PIBF1: variants seen among roughly 807,000 people sequenced by gnomAD.
PIBF1 encodes the protein progesterone-induced-blocking factor 1.
A neutral mutation model predicts 112.5 loss-of-function variants in PIBF1; 90 were observed. The ratio of observed to expected loss-of-function variants is 0.80; its 90% CI spans 0.67 to 0.95. PIBF1 has a LOEUF of 0.95. PIBF1 is among the 40% of genes least tolerant of loss of function. The pLI, the probability that PIBF1 is intolerant of heterozygous loss-of-function variation, is 0.00. For synonymous variants in PIBF1, 301 were observed against 288.6 expected (o/e 1.04, Z -0.44); for missense variants, 915 against 852.3 (o/e 1.07, Z -0.92).
chr13:72,815,946 C>T (rs1180957297), intron 5 of PIBF1, among the ~76,000 whole-genome samples: 5 of 152,172 alleles, frequency 3.3e-5, no homozygotes, highest in Admixed American at 2.0e-4. Context: ...AACTTGGTCT[C>T]TTTAACATTA....
At chr13:72,927,963 A>G (rs1401454700) in intron 13 of PIBF1, among the ~76,000 whole-genome samples, 4 of 41,264 alleles carry the variant, frequency 9.7e-5, no homozygotes, top group African/African-American at 4.6e-4. Context: ...ATATATACAC[A>G]TATATATATA....
rs1251817686 is a variant in PIBF1, at chr13:72,783,441, G to C, written c.-29G>C. ...CCTACAGAATATTAAAATCAAATTAGAGAAGAAAACTGATCCATAATAATA... is the reference window on the plus strand; with the variant it reads ...CCTACAGAATATTAAAATCAAATTACAGAAGAAAACTGATCCATAATAATA... On this transcript the variant is annotated 5_prime_UTR_variant, in exon 2 of 18. Coordinates refer to ENST00000326291, the MANE Select transcript of PIBF1 (RefSeq NM_006346.4). 1 of 1,444,844 alleles carries C rather than the reference G, an allele frequency of 6.9e-7. No homozygotes were observed. The allele number at this position is 1,444,844 out of a possible 1,614,324, so 89.5% of individuals were successfully genotyped here.
chr13:72,998,923 TCAGAAA>T lies in PIBF1; in HGVS notation c.2152_2157del (p.Gln718_Lys719del), dbSNP rs2043769305. 1 of 1,612,126 alleles carries T rather than the reference TCAGAAA, an allele frequency of 6.2e-7. No homozygotes were observed. The highest frequency in any genetic ancestry group is 8.5e-7 in the Non-Finnish European group (1 of 1,178,722). ...CAGAACCAAAACATGTGACAGAAAA[TCAGAAA>T]TCAAAGACTTTGAATGTGCCTAAAG... On this transcript the variant is annotated inframe_deletion, in exon 17 of 18. Transcript: ENST00000326291.
intron 5 of PIBF1, among the ~76,000 whole-genome samples, chr13:72,804,445 C>A (rs541102102): frequency 1.3e-5 from 2 of 152,250 alleles, no homozygotes; most frequent in African/African-American, 4.8e-5. Context: ...TGATGGTAAT[C>A]AACTGGGAGA....
At chr13:72,924,956 C>T (rs142934542) in intron 13 of PIBF1, among the ~76,000 whole-genome samples, 3 of 152,112 alleles carry the variant, frequency 2.0e-5, no homozygotes, top group Admixed American at 6.5e-5. Context: ...TGGAACTCGA[C>T]GGGAGCCTTT....
At chr13:72,971,708 A>C (rs1421487518) in intron 15 of PIBF1, among the ~76,000 whole-genome samples, 1 of 152,174 alleles carries the variant, frequency 6.6e-6, no homozygotes, top group Admixed American at 6.5e-5. Context: ...ATTATGTTCT[A>C]CTTTTACAGA....
At chr13:72,894,257 A>G (rs1464343725) in intron 11 of PIBF1, among the ~76,000 whole-genome samples, 1 of 152,042 alleles carries the variant, frequency 6.6e-6, no homozygotes, top group Non-Finnish European at 1.5e-5. Context: ...CTTCACTGAC[A>G]TGTGAAATGA....
intron 14 of PIBF1, among the ~76,000 whole-genome samples, chr13:72,932,981 GAATAAAGCT>G (rs1566464539): frequency 6.6e-6 from 1 of 151,912 alleles, no homozygotes. Context: ...CCAGTTTTTG[GAATAAAGCT>G]CATATGAACA....
chr13:72,958,140 G>T (rs898075102), intron 14 of PIBF1, among the ~76,000 whole-genome samples: 1 of 151,228 alleles, frequency 6.6e-6, no homozygotes, highest in Non-Finnish European at 1.5e-5. Flanking sequence ...AAAGAATCAC[G>T]TAAGATTCTT....
intron 11 of PIBF1, among the ~76,000 whole-genome samples, chr13:72,898,697 A>C (rs1269277904): frequency 6.8e-6 from 1 of 146,238 alleles, no homozygotes; most frequent in Non-Finnish European, 1.5e-5. Flanking sequence ...AAAAAAAAAA[A>C]ATAAAGCCGG....
At chr13:72,830,658 C>A (rs932066187) in intron 8 of PIBF1, among the ~76,000 whole-genome samples, 2 of 152,160 alleles carry the variant, frequency 1.3e-5, no homozygotes, top group Non-Finnish European at 2.9e-5. Context: ...TTTTCATGTG[C>A]TGCTGGATTT....
chr13:72,871,183 T>C (rs764225853), intron 10 of PIBF1, among the ~76,000 whole-genome samples: 6 of 152,170 alleles, frequency 3.9e-5, no homozygotes, highest in Non-Finnish European at 8.8e-5. Flanking sequence ...CCACCTGTTC[T>C]CTATTGCCAT....
At chr13:72,811,353 A>G (rs1566300452) in intron 5 of PIBF1, among the ~76,000 whole-genome samples, 1 of 152,198 alleles carries the variant, frequency 6.6e-6, no homozygotes, top group Non-Finnish European at 1.5e-5. Flanking sequence ...CTATAATACC[A>G]GCACTCTGGG....
chr13:72,970,517 A>T (rs186580373), intron 15 of PIBF1: 8 of 152,316 alleles, frequency 5.3e-5, no homozygotes, highest in Non-Finnish European at 1.0e-4. Context: ...CCAGGAAGTT[A>T]AGGAACAATA....
At chr13:72,906,803 G>T (rs1240562338) in intron 11 of PIBF1, among the ~76,000 whole-genome samples, 1 of 152,022 alleles carries the variant, frequency 6.6e-6, no homozygotes, top group African/African-American at 2.4e-5. Context: ...TTCGTGTGGT[G>T]GTTTTGCAGG....
rs1566348687 is a variant in PIBF1 at position 72,844,785 on chromosome 13, A to ACACACACG, written c.1224-9265_1224-9264insGCACACAC. ...CACACACACACACACACACACACAC[A>ACACACACG]CACACACACACACACGGATGAAGTC... is the stretch of plus-strand genomic sequence containing the variant. On this transcript the variant is annotated intron_variant, in intron 9 of 17. Coordinates refer to ENST00000326291, the MANE Select transcript of PIBF1 (RefSeq NM_006346.4). 3.2e-5 allele frequency among the ~76,000 whole-genome samples: 4 copies of ACACACACG among 124,988 alleles called. 1 individual carries two copies. The highest frequency in any genetic ancestry group is 1.2e-4 in the African/African-American group (4 of 33,442). 82.0% of individuals were successfully genotyped at this position (124,988 alleles called of 152,430 possible). A position where few individuals can be genotyped will look rare whatever the true frequency, so the allele number is the denominator to read the frequency against.
rs570395102 is a variant in PIBF1 at position 72,913,761 on chromosome 13, CA to C, written c.1640-3301del. Among the ~76,000 whole-genome samples, 151 of 124,264 alleles carry C rather than the reference CA, an allele frequency of 1.2e-3. 1 individual carries two copies. The highest frequency in any genetic ancestry group is 1.2e-3 in the East Asian group (5 of 4,244). 81.5% of individuals were successfully genotyped at this position (124,264 alleles called of 152,430 possible). A position where few individuals can be genotyped will look rare whatever the true frequency, so the allele number is the denominator to read the frequency against. ...TGGGTGACAGAATGAGACTCTGTCT[CA>C]AAAAAAAAAAAAATTGCAGATGTTG... On this transcript the variant is annotated intron_variant, in intron 12 of 17. Coordinates refer to ENST00000326291, the MANE Select transcript of PIBF1 (RefSeq NM_006346.4).
At chr13:72,816,048 A>G (rs2036255914) in intron 5 of PIBF1, among the ~76,000 whole-genome samples, 1 of 152,216 alleles carries the variant, frequency 6.6e-6, no homozygotes, top group Non-Finnish European at 1.5e-5. Flanking sequence ...GCTGAATAAA[A>G]TGTTGGGTAT....
chr13:72,891,435 G>T (rs572993169), intron 10 of PIBF1, among the ~76,000 whole-genome samples: 4 of 151,972 alleles, frequency 2.6e-5, no homozygotes, highest in Non-Finnish European at 5.9e-5. Flanking sequence ...AAAACAACTT[G>T]CCTCAAAGAG....
Sources: gnomAD v4.1 joint callset for allele counts (sites outside exome capture counted in the v4.1 genomes callset) on GRCh38, gnomAD v4.1.1 for gene constraint, MANE v1.5 for transcripts, NCBI Gene and HGNC (gene_info 2026-07-23, HGNC 2026-07-21) for gene names.